Variants in CSMD1 observed in about 807,000 individuals in gnomAD.
CSMD1 encodes CUB and Sushi multiple domains 1.
In CSMD1, 213 loss-of-function variants were observed where a neutral mutation model predicts 417.5. The ratio of observed to expected loss-of-function variants is 0.51; its 90% CI spans 0.46 to 0.57. The LOEUF (loss-of-function observed/expected upper bound fraction) is 0.57. Ranked by LOEUF, CSMD1 falls within the 20% of genes least tolerant of loss-of-function variation. The pLI is 0.00. For synonymous variants in CSMD1, 2,862 were observed against 1,736.8 expected, an observed-to-expected ratio of 1.65 and a Z score of -16.11; for missense variants, 6,923 against 4,529.7, an observed-to-expected ratio of 1.53 and a Z score of -15.17.
chr8:4,743,518 T>G (rs1481950442), intron 1 of CSMD1, among the ~76,000 whole-genome samples: 3 of 152,048 alleles, frequency 2.0e-5, no homozygotes, highest in African/African-American at 4.8e-5. Flanking sequence ...CTGCTTTGAG[T>G]TCATGATGTT....
intron 1 of CSMD1, among the ~76,000 whole-genome samples, chr8:4,658,162 A>T (rs567748625): frequency 1.3e-5 from 2 of 152,250 alleles, no homozygotes; most frequent in East Asian, 3.9e-4. Context: ...GGAAGGAGAA[A>T]GAGAAAGCAG....
intron 2 of CSMD1, among the ~76,000 whole-genome samples, chr8:4,511,616 G>T (rs1563244956): frequency 6.6e-6 from 1 of 152,110 alleles, no homozygotes; most frequent in Non-Finnish European, 1.5e-5. Context: ...GACACATACA[G>T]GGAACTACAG....
chr8:4,443,893 A>G (rs139097634), intron 2 of CSMD1, among the ~76,000 whole-genome samples: 93 of 152,312 alleles, frequency 6.1e-4, no homozygotes, highest in Middle Eastern at 3.4e-3. Context: ...TTTTCATTTC[A>G]TCACATCTAC....
At chr8:4,683,042 G>T (rs1350134024) in intron 1 of CSMD1, among the ~76,000 whole-genome samples, 1 of 143,744 alleles carries the variant, frequency 7.0e-6, no homozygotes, top group African/African-American at 2.6e-5. Flanking sequence ...TGAAATATAA[G>T]TATTAGAATA....
At chr8:3,973,430 A>C (rs1015148797) in intron 5 of CSMD1, among the ~76,000 whole-genome samples, 2 of 152,222 alleles carry the variant, frequency 1.3e-5, no homozygotes, top group Non-Finnish European at 2.9e-5. Flanking sequence ...GTTTATGCAA[A>C]TTATAAAAAT....
intron 3 of CSMD1, among the ~76,000 whole-genome samples, chr8:4,250,829 T>C (rs533673351): frequency 6.6e-6 from 1 of 152,332 alleles, no homozygotes; most frequent in South Asian, 2.1e-4. Context: ...TTGAAATGTT[T>C]TTTAGAATAT....
At chr8:4,984,908 G>C (rs1375948934) in intron 1 of CSMD1, among the ~76,000 whole-genome samples, 3 of 152,150 alleles carry the variant, frequency 2.0e-5, no homozygotes, top group South Asian at 2.1e-4. Flanking sequence ...CTAGCATGCA[G>C]AGCAGTGGCA....
intron 3 of CSMD1, among the ~76,000 whole-genome samples, chr8:4,118,966 T>A (rs1463353870): frequency 6.6e-6 from 1 of 152,156 alleles, no homozygotes; most frequent in Non-Finnish European, 1.5e-5. Flanking sequence ...CTGGAAGCCA[T>A]CATTCTCAGC....
At chr8:3,943,715 T>A (rs1004980616) in intron 5 of CSMD1, among the ~76,000 whole-genome samples, 3 of 152,068 alleles carry the variant, frequency 2.0e-5, no homozygotes, top group Non-Finnish European at 1.5e-5. Flanking sequence ...TCTGGACATT[T>A]CTGCCAAAAA....
chr8:4,928,149 G>C (rs1009206963), intron 1 of CSMD1, among the ~76,000 whole-genome samples: 1 of 152,038 alleles, frequency 6.6e-6, no homozygotes, highest in African/African-American at 2.4e-5. Flanking sequence ...CACGTGGGAC[G>C]CACACATAGA....
rs79819949 is a variant in CSMD1 at position 4,845,621 on chromosome 8, T to C, written c.85+148711A>G. Among the ~76,000 whole-genome samples the C allele has an allele frequency of 5.7e-4, 87 of 152,334 alleles. 1 individual carries two copies. In the East Asian group the frequency reaches 0.015, roughly 26 times the overall value. On this transcript the variant is annotated intron_variant, in intron 1 of 69. Transcript: ENST00000635120. ...TCCTACCATGTGCCAGGCTCTCTTT[T>C]AGGAGCTTTGCATTCAGTGTTGAAG...
chr8:3,731,258 A>C (rs1796235506), intron 6 of CSMD1, among the ~76,000 whole-genome samples: 2 of 152,150 alleles, frequency 1.3e-5, no homozygotes, highest in African/African-American at 4.8e-5. Flanking sequence ...CGTGCATTCT[A>C]CATTGACCAG....
chr8:4,171,204 G>A (rs1169334630), intron 3 of CSMD1, among the ~76,000 whole-genome samples: 1 of 151,784 alleles, frequency 6.6e-6, no homozygotes, highest in Non-Finnish European at 1.5e-5. Flanking sequence ...ACAGACCTGT[G>A]TGAAACCTAC....
intron 1 of CSMD1, among the ~76,000 whole-genome samples, chr8:4,811,377 A>T (rs1798895227): frequency 6.6e-6 from 1 of 151,990 alleles, no homozygotes; most frequent in African/African-American, 2.4e-5. Context: ...ATTTTTAACC[A>T]TTAAAATTAG....
chr8:3,451,106 A>G (rs1489991677), intron 12 of CSMD1, among the ~76,000 whole-genome samples: 4 of 152,222 alleles, frequency 2.6e-5, no homozygotes, highest in Non-Finnish European at 4.4e-5. Flanking sequence ...GGCTGCATAA[A>G]TGTCTTCTTT....
At chr8:3,948,287 A>C (rs1266305863) in intron 5 of CSMD1, among the ~76,000 whole-genome samples, 1 of 152,168 alleles carries the variant, frequency 6.6e-6, no homozygotes, top group Non-Finnish European at 1.5e-5. Flanking sequence ...ATAAAAACAA[A>C]AAGTCATGTT....
At chr8:3,680,522 C>A (rs959320721) in intron 7 of CSMD1, among the ~76,000 whole-genome samples, 16 of 152,168 alleles carry the variant, frequency 1.1e-4, no homozygotes, top group Non-Finnish European at 1.3e-4. Context: ...CAATAACAGG[C>A]TCTGAAATTG....
chr8:2,940,512 C>A (rs1801797315), intron 69 of CSMD1, among the ~76,000 whole-genome samples: 1 of 152,154 alleles, frequency 6.6e-6, no homozygotes, highest in South Asian at 2.1e-4. Context: ...AGCGCTATCT[C>A]CCTTATCTCT....
At position 3,315,503 on chromosome 8, in the gene CSMD1, CTACAGA is replaced by C. The variant is rs1805690669; in HGVS notation, c.3632-7006_3632-7001del. Among the ~76,000 whole-genome samples, 3 of 150,334 alleles carry C rather than the reference CTACAGA, an allele frequency of 2.0e-5. No homozygotes were observed. In the South Asian group the frequency reaches 6.3e-4, roughly 32 times the overall value. ...TTTAAATTATTTATGGTTTTTTAAG[CTACAGA>C]TGCTATTGTTTTCAAATTGAGTCCT... On this transcript the variant is annotated intron_variant, in intron 23 of 69. Transcript: ENST00000635120.
Sources: gnomAD v4.1 joint callset for allele counts (sites outside exome capture counted in the v4.1 genomes callset) on GRCh38, gnomAD v4.1.1 for gene constraint, MANE v1.5 for transcripts, NCBI Gene and HGNC (gene_info 2026-07-23, HGNC 2026-07-21) for gene names.